FGF14: variants seen among roughly 807,000 people sequenced by gnomAD.
FGF14 encodes the protein fibroblast growth factor 14.
FGF14 carries 5 observed loss-of-function variants against 25.5 expected under a neutral mutation model. The ratio of observed to expected loss-of-function variants is 0.20; its 90% CI spans 0.10 to 0.41. FGF14 has a LOEUF of 0.41. FGF14 is among the 10% of genes least tolerant of loss of function. The pLI is 1.00. For synonymous variants in FGF14, 138 were observed against 118.3 expected (o/e 1.17, Z -1.08); for missense variants, 222 against 320.1 (o/e 0.69, Z 2.34).
At chr13:101,769,000 A>G (rs2038584643) in intron 3 of FGF14, among the ~76,000 whole-genome samples, 1 of 152,202 alleles carries the variant, frequency 6.6e-6, no homozygotes, top group Non-Finnish European at 1.5e-5. Flanking sequence ...TCTGCTTTGC[A>G]AATGACTGTC....
chr13:102,165,023 C>T (rs188816597), intron 1 of FGF14, among the ~76,000 whole-genome samples: 1 of 151,930 alleles, frequency 6.6e-6, no homozygotes, highest in African/African-American at 2.4e-5. Flanking sequence ...CAATGAGTGA[C>T]CTAGATCAAA....
chr13:101,843,251 C>A (rs531698037), intron 3 of FGF14, among the ~76,000 whole-genome samples: 1 of 152,152 alleles, frequency 6.6e-6, no homozygotes, highest in South Asian at 2.1e-4. Flanking sequence ...AACCAATCAA[C>A]CCCTGCCCCT....
chr13:101,964,188 A>G (rs183011818), intron 1 of FGF14, among the ~76,000 whole-genome samples: 103 of 150,770 alleles, frequency 6.8e-4, no homozygotes, highest in Admixed American at 4.0e-3. Context: ...TATTAAATAT[A>G]TTAAATTAAG....
intron 1 of FGF14, among the ~76,000 whole-genome samples, chr13:102,351,107 C>T (rs1485673705): frequency 6.6e-6 from 1 of 152,208 alleles, no homozygotes; most frequent in African/African-American, 2.4e-5. Flanking sequence ...ATCTCCCTTT[C>T]TACCTCTCTT....
intron 1 of FGF14, among the ~76,000 whole-genome samples, chr13:102,204,488 G>A (rs2140894934): frequency 6.6e-6 from 1 of 152,260 alleles, no homozygotes; most frequent in Middle Eastern, 3.4e-3. Context: ...CCATATATAT[G>A]GTTGGTGCAG....
chr13:102,002,475 T>A (rs1393383899), intron 1 of FGF14: 1 of 157,296 alleles, frequency 6.4e-6, no homozygotes, highest in Non-Finnish European at 1.4e-5. Flanking sequence ...TCAAGTTGAC[T>A]TTCCTTACAG....
intron 1 of FGF14, among the ~76,000 whole-genome samples, chr13:102,045,551 A>G (rs1023054401): frequency 6.6e-6 from 1 of 152,144 alleles, no homozygotes; most frequent in Non-Finnish European, 1.5e-5. Context: ...TTAACAAGCT[A>G]GAAAAAAAAT....
chr13:101,894,791 T>C (rs570967837), intron 1 of FGF14, among the ~76,000 whole-genome samples: 2 of 152,298 alleles, frequency 1.3e-5, no homozygotes, highest in Non-Finnish European at 2.9e-5. Flanking sequence ...TTAGTAGCAA[T>C]GGTGTCAGTA....
rs12585858 is a variant in FGF14, at chr13:102,371,283, T to G, written c.208+30188A>C. On this transcript the variant is annotated intron_variant, in intron 1 of 4. Coordinates refer to the FGF14 transcript ENST00000376131. Reference sequence around the variant, plus strand: ...CCAACTCTGTACATTCTACCCTGTTTCCAGGATGCCCCTCCCCATGCCATC... The same window carrying G: ...CCAACTCTGTACATTCTACCCTGTTGCCAGGATGCCCCTCCCCATGCCATC... Among the ~76,000 whole-genome samples the G allele has an allele frequency of 1.4e-3, 213 of 152,310 alleles. 6 individuals carry two copies. The East Asian group carries it at 0.033, about 23-fold the overall frequency.
At chr13:102,089,745 T>C (rs564504578) in intron 1 of FGF14, among the ~76,000 whole-genome samples, 6 of 152,340 alleles carry the variant, frequency 3.9e-5, no homozygotes, top group Non-Finnish European at 8.8e-5. Context: ...ACATAGAAAT[T>C]GAAAAGAATC....
At chr13:101,743,155 T>C (rs913368869) in intron 3 of FGF14, among the ~76,000 whole-genome samples, 1 of 152,202 alleles carries the variant, frequency 6.6e-6, no homozygotes, top group African/African-American at 2.4e-5. Context: ...CCAACCTTCT[T>C]GGGCACATGT....
At chr13:102,052,972 T>C (rs1205104157) in intron 1 of FGF14, among the ~76,000 whole-genome samples, 3 of 152,082 alleles carry the variant, frequency 2.0e-5, no homozygotes, top group Non-Finnish European at 4.4e-5. Context: ...GCTACAATAA[T>C]ATGTTAACTG....
chr13:101,745,237 G>C (rs1180119262), intron 3 of FGF14, among the ~76,000 whole-genome samples: 1 of 151,874 alleles, frequency 6.6e-6, no homozygotes, highest in East Asian at 1.9e-4. Flanking sequence ...CAGAAAAATT[G>C]AGCAGAGTAC....
At chr13:102,293,393 C>T (rs1438707381) in intron 1 of FGF14, 1 of 152,182 alleles carries the variant, frequency 6.6e-6, no homozygotes. Context: ...TTGGAGAATA[C>T]ATATTTTCAC....
chr13:102,193,419 A>G (rs1194734082), intron 1 of FGF14, among the ~76,000 whole-genome samples: 2 of 152,214 alleles, frequency 1.3e-5, no homozygotes, highest in African/African-American at 4.8e-5. Context: ...AAAAGCTCCA[A>G]CATGTTTCTG....
chr13:101,776,339 G>A (rs902366309), intron 3 of FGF14, among the ~76,000 whole-genome samples: 7 of 152,264 alleles, frequency 4.6e-5, no homozygotes, highest in African/African-American at 1.7e-4. Context: ...GTGTTATGAT[G>A]ACCACCTTAA....
intron 3 of FGF14, among the ~76,000 whole-genome samples, chr13:101,845,237 C>G (rs1370216724): frequency 6.6e-6 from 1 of 152,046 alleles, no homozygotes; most frequent in African/African-American, 2.4e-5. Context: ...CTATCACAGT[C>G]TACGTTTGCA....
chr13:101,960,328 G>T (rs926731435), intron 1 of FGF14, among the ~76,000 whole-genome samples: 8 of 152,110 alleles, frequency 5.3e-5, no homozygotes, highest in Non-Finnish European at 8.8e-5. Flanking sequence ...GCATGCATTA[G>T]CTATTTTTCC....
intron 1 of FGF14, among the ~76,000 whole-genome samples, chr13:102,372,618 A>G (rs961468701): frequency 1.3e-5 from 2 of 152,104 alleles, no homozygotes; most frequent in African/African-American, 4.8e-5. Flanking sequence ...TCCAACAGGA[A>G]ACTCATTTTG....
Sources: allele counts gnomAD v4.1 joint callset (sites outside exome capture counted in the v4.1 genomes callset), GRCh38; gene constraint gnomAD v4.1.1; transcripts MANE v1.5; gene names NCBI Gene and HGNC (gene_info 2026-07-23, HGNC 2026-07-21).